Variants in MAD2L1BP observed in about 807,000 individuals in gnomAD.
The protein encoded by MAD2L1BP is MAD2L1 binding protein.
Under a neutral mutation model 28.4 loss-of-function variants are expected in MAD2L1BP, and 22 were observed. The observed-to-expected ratio is 0.77, with a 90% CI of 0.55 to 1.10. MAD2L1BP has a LOEUF of 1.10. MAD2L1BP is among the 50% of genes least tolerant of loss of function. The probability of loss-of-function intolerance (pLI) is 0.00; values close to 1 mark genes in which losing one functional copy is unlikely to be tolerated. For synonymous variants in MAD2L1BP, 146 were observed against 133.7 expected (o/e 1.09, Z -0.63); for missense variants, 325 against 350.5 (o/e 0.93, Z 0.58).
upstream of MAD2L1BP, chr6:43,633,171 AC>A (rs1301599671): frequency 7.4e-6 from 3 of 406,954 alleles, no homozygotes; most frequent in African/African-American, 2.2e-5. Context: ...TAATCATTGT[AC>A]TTTTTTTTTT....
chr6:43,632,824 C>T (rs531625787), upstream of MAD2L1BP, among the ~76,000 whole-genome samples: 36 of 151,876 alleles, frequency 2.4e-4, no homozygotes, highest in African/African-American at 8.2e-4. Context: ...AGTTCAAGAC[C>T]AGCTTGGCCA....
At chr6:43,633,418 C>T (rs574577262), upstream of MAD2L1BP, 7 of 273,056 alleles carry the variant, frequency 2.6e-5, no homozygotes, top group Admixed American at 3.1e-4. Context: ...GTGATCTGCA[C>T]ACCTCGACCT....
chr6:43,640,101 GGA>G lies in MAD2L1BP; in HGVS notation c.397_398del (p.Ser133CysfsTer33). 1 of 1,605,064 alleles carries G rather than the reference GGA, an allele frequency of 6.2e-7. No homozygotes were observed. The highest frequency in any genetic ancestry group is 8.5e-7 in the Non-Finnish European group (1 of 1,173,626). ...RKCQQALAELESVLSHLEDFF... is the reference protein window; with the variant it reads ...RKCQQALAELXSVLSHLEDFF... Reference sequence around the variant, plus strand: ...AATGCCAACAAGCCCTGGCAGAACTGGAGAGTGTCCTCAGCCACCTGGAGGAC... The same window carrying G: ...AATGCCAACAAGCCCTGGCAGAACTGGAGTGTCCTCAGCCACCTGGAGGAC... On this transcript the variant is annotated frameshift_variant, in exon 3 of 3. Coordinates refer to ENST00000372171, the MANE Select transcript of MAD2L1BP (RefSeq NM_014628.3). LOFTEE classifies it high-confidence loss of function.
chr6:43,632,649 A>G (rs1465725292), upstream of MAD2L1BP, among the ~76,000 whole-genome samples: 1 of 142,916 alleles, frequency 7.0e-6, no homozygotes, highest in Non-Finnish European at 1.5e-5. Flanking sequence ...GGCCTCCATG[A>G]CCTGACACTT....
upstream of MAD2L1BP, chr6:43,635,807 C>G (rs1770173652): frequency 7.1e-7 from 1 of 1,408,828 alleles, no homozygotes; most frequent in Non-Finnish European, 9.3e-7. Flanking sequence ...GAAGTGGAGG[C>G]GCGGGCTTCC....
chr6:43,634,297 G>GT (rs1233054870), upstream of MAD2L1BP, among the ~76,000 whole-genome samples: 1 of 137,444 alleles, frequency 7.3e-6, no homozygotes, highest in African/African-American at 2.9e-5. Context: ...ATAGCTCACT[G>GT]TAAGTGTCGA....
chr6:43,631,386 C>T (rs554061305), upstream of MAD2L1BP, among the ~76,000 whole-genome samples: 15 of 152,326 alleles, frequency 9.8e-5, no homozygotes, highest in East Asian at 2.3e-3. Context: ...ACCATTCTCC[C>T]AACATTCTCA....
rs1311154765 is a variant in MAD2L1BP, at chr6:43,636,427, A to C, written c.93A>C (p.Ile31=). 1 of 1,614,192 alleles carries C rather than the reference A, an allele frequency of 6.2e-7. No homozygotes were observed. Among genetic ancestry groups the C allele is most frequent in the Non-Finnish European group, 8.5e-7 (1 of 1,180,042 alleles). The change falls in exon 2 of 3, where the codon ATA becomes ATC. Residue 31 remains isoleucine, a synonymous_variant. Transcript: ENST00000372171. ...CCGAAGAAACTCACGCCTCCCAGAT[A>C]GAACTACTTGAGACAAGCTCTACGC... The part of the protein sequence containing the change: ...EKSEETHASQ[I]ELLETSSTQE...
chr6:43,636,049 C>G, intron 1 of MAD2L1BP, 128 bp downstream of exon 1: 1 of 985,366 alleles, frequency 1.0e-6, no homozygotes, highest in Non-Finnish European at 1.5e-6. Flanking sequence ...GTGTCCTACA[C>G]GGCTCTGGCT....
upstream of MAD2L1BP, chr6:43,633,258 C>T (rs531293700): frequency 7.1e-5 from 29 of 409,174 alleles, no homozygotes; most frequent in East Asian, 6.8e-4. Context: ...CCACAACTTC[C>T]GCCTCCCAGG....
upstream of MAD2L1BP, among the ~76,000 whole-genome samples, chr6:43,633,023 A>AAAAC (rs562588004): frequency 5.8e-4 from 88 of 151,842 alleles, no homozygotes; most frequent in Non-Finnish European, 8.8e-4. Context: ...ACTCCATCTA[A>AAAAC]AAACAAACAA....
upstream of MAD2L1BP, chr6:43,633,308 G>C (rs950739051): frequency 3.0e-5 from 11 of 364,352 alleles, no homozygotes; most frequent in Non-Finnish European, 5.8e-5. Flanking sequence ...AAGTAGCTGA[G>C]ATTATAGGTA....
chr6:43,639,060 T>G (rs1239287862), intron 2 of MAD2L1BP, among the ~76,000 whole-genome samples: 1 of 152,206 alleles, frequency 6.6e-6, no homozygotes, highest in Non-Finnish European at 1.5e-5. Context: ...TTCTGCTGTG[T>G]GGATCAGTTT....
chr6:43,633,738 C>A (rs1159051107), upstream of MAD2L1BP, among the ~76,000 whole-genome samples: 5 of 151,144 alleles, frequency 3.3e-5, no homozygotes, highest in African/African-American at 1.2e-4. Context: ...GAGGCAGGGT[C>A]TCCCTCTGTC....
rs1053206070 is a variant in MAD2L1BP, at chr6:43,640,153, C to T, written c.445C>T (p.Arg149Ter). The change falls in exon 3 of 3, where the codon CGA becomes TGA. Residue 149 changes from arginine (R) to a stop codon, truncating the protein, a stop_gained. Coordinates refer to ENST00000372171, the MANE Select transcript of MAD2L1BP (RefSeq NM_014628.3). LOFTEE classifies it high-confidence loss of function. ...EDFFARTLVPRVLILLGGNAL... is the reference protein window; with the variant it reads ...EDFFARTLVP ...CTTCTTTGCACGGACACTAGTACCG[C>T]GAGTGCTGATTCTCCTTGGGGGCAA... is the stretch of plus-strand genomic sequence containing the variant. 1.4e-5 allele frequency: 22 copies of T among 1,612,866 alleles called. No homozygotes were observed. The highest frequency in any genetic ancestry group is 6.7e-5 in the Admixed American group (4 of 59,918).
chr6:43,629,722 C>T, exon 1 of MAD2L1BP: 1 of 1,551,112 alleles, frequency 6.4e-7, no homozygotes, highest in African/African-American at 1.4e-5. Flanking sequence ...AGCCTGCTGG[C>T]TCCGCCTCTG....
intron 1 of MAD2L1BP, 58 bp from the exon 2 acceptor site, chr6:43,636,323 G>T: frequency 6.3e-7 from 1 of 1,585,528 alleles, no homozygotes; most frequent in Non-Finnish European, 8.6e-7. Context: ...GGAATGAGAA[G>T]ACTGACTGGC....
rs763762158 is a variant in MAD2L1BP, at chr6:43,636,593, C to G, written c.259C>G (p.Leu87Val). Residue 87 changes from leucine (L) to valine (V), a missense_variant, in exon 2 of 3, where the codon CTC (leucine) becomes GTC (valine). By Grantham distance (32) the Leu-to-Val change is conservative. Coordinates refer to ENST00000372171, the MANE Select transcript of MAD2L1BP (RefSeq NM_014628.3). Reference sequence around the variant, plus strand: ...GCATATCATGTATCAACGCCAGCAGCTCCCTCTGCCCTATGAACAGCTTAA... The same window carrying G: ...GCATATCATGTATCAACGCCAGCAGGTCCCTCTGCCCTATGAACAGCTTAA... ...LKHIMYQRQQ[L>V]PLPYEQLKHF... is the part of the protein sequence containing the mutation. 1 of 1,614,212 alleles carries G rather than the reference C, an allele frequency of 6.2e-7. No homozygotes were observed.
Position 43,636,553 on chromosome 6 carries a change from T to C in MAD2L1BP, c.219T>C (p.Thr73=), listed in dbSNP as rs1770232485. The C allele has an allele frequency of 1.2e-6, 2 of 1,614,198 alleles. No homozygotes were observed. The highest frequency in any genetic ancestry group is 1.7e-5 in the Admixed American group (1 of 60,018). The change falls in exon 2 of 3, where the codon ACT becomes ACC. Residue 73 remains threonine (T), a synonymous_variant. Coordinates refer to ENST00000372171, the MANE Select transcript of MAD2L1BP (RefSeq NM_014628.3). The part of the protein sequence containing the change: ...PVSQEGCCQF[T]CELLKHIMYQ... ...GCCAGGAAGGCTGCTGTCAGTTTAC[T>C]TGTGAACTTCTAAAGCATATCATGT... is the stretch of plus-strand genomic sequence containing the variant.
Sources: gnomAD v4.1 joint callset for allele counts (sites outside exome capture counted in the v4.1 genomes callset) on GRCh38, gnomAD v4.1.1 for gene constraint, MANE v1.5 for transcripts, NCBI Gene and HGNC (gene_info 2026-07-23, HGNC 2026-07-21) for gene names.